TTC13: variants seen among roughly 807,000 people sequenced by gnomAD.
TTC13 encodes the protein tetratricopeptide repeat protein 13.
A neutral mutation model predicts 120.0 loss-of-function variants in TTC13; 62 were observed. The ratio of observed to expected loss-of-function variants is 0.52; its 90% CI spans 0.42 to 0.64. The LOEUF is 0.64. Among genes scored for constraint, TTC13 ranks in the 30% least tolerant of loss-of-function variants. The pLI is 0.00. For synonymous variants in TTC13, 384 were observed against 393.5 expected (o/e 0.98, Z 0.28); for missense variants, 824 against 1,050.2 (o/e 0.78, Z 2.98).
At chr1:230,938,181 C>G (rs183181883) in intron 8 of TTC13, among the ~76,000 whole-genome samples, 2 of 152,340 alleles carry the variant, frequency 1.3e-5, no homozygotes, top group East Asian at 3.9e-4. Flanking sequence ...CTTCAAAGTT[C>G]TTGTTAAGTA....
chr1:230,938,334 C>T (rs763672686), intron 8 of TTC13, among the ~76,000 whole-genome samples: 15 of 152,150 alleles, frequency 9.9e-5, no homozygotes, highest in African/African-American at 1.4e-4. Context: ...AGGCCTTGAG[C>T]GGCACTAAGG....
At chr1:230,908,121 A>T (rs1671117264) in intron 22 of TTC13, among the ~76,000 whole-genome samples, 1 of 152,184 alleles carries the variant, frequency 6.6e-6, no homozygotes, top group Non-Finnish European at 1.5e-5. Context: ...AGGCCAAGAG[A>T]AGTGAATACC....
At chr1:230,936,450 G>A in intron 8 of TTC13, 1 of 323,766 alleles carries the variant, frequency 3.1e-6, no homozygotes, top group Non-Finnish European at 6.1e-6. Flanking sequence ...CCCTAGGGCT[G>A]TTCCTTGTAA....
intron 1 of TTC13, among the ~76,000 whole-genome samples, chr1:230,963,007 T>C (rs1171236556): frequency 6.6e-6 from 1 of 152,170 alleles, no homozygotes; most frequent in African/African-American, 2.4e-5. Context: ...CTTGGGGTGG[T>C]TGCACATGGT....
rs745818501 is a variant in TTC13 at position 230,940,585 on chromosome 1, G to A, written c.673-29C>T. ...GAAATCCCAAACATGTAATCAGGAA[G>A]AATACCAATGACCAACCCTAAAATC... On this transcript the variant is annotated intron_variant, in intron 6 of 22. Transcript: ENST00000366661. This position sits in a 1 kb window ranked among gnomAD's most constrained non-coding sequence, Gnocchi z 4.1. 5.6e-6 allele frequency: 8 copies of A among 1,418,128 alleles called. No homozygotes were observed. The highest frequency in any genetic ancestry group is 8.0e-6 in the Non-Finnish European group (8 of 1,004,812). The allele number at this position is 1,418,128 out of a possible 1,614,324, so 87.8% of individuals were successfully genotyped here.
Position 230,977,082 on chromosome 1 carries a change from T to C in TTC13, c.271+1478A>G, listed in dbSNP as rs74143525. ...GAGCCCGACTTCATGGGTTCCTCCT[T>C]TGGCAGCTGTGGGATCTCAAGAAGA... On this transcript the variant is annotated intron_variant, in intron 1 of 22. Transcript: ENST00000366661. 9.7e-3 allele frequency among the ~76,000 whole-genome samples: 1,474 copies of C among 152,282 alleles called. 25 individuals carry two copies. Among genetic ancestry groups the C allele is most frequent in the African/African-American group, 0.033 (1,389 of 41,554 alleles).
In TTC13 at chr1:230,939,372, CACA is replaced by C; in HGVS notation, c.900+11_900+13del. ...AGAGTCATCATATGGTACACATATG[CACA>C]ACACTTTCACCTTCAGAAGTCCTCT... On this transcript the variant is annotated intron_variant, in intron 8 of 22. Coordinates refer to ENST00000366661, the MANE Select transcript of TTC13 (RefSeq NM_024525.5). 1 of 1,550,754 alleles carries C rather than the reference CACA, an allele frequency of 6.4e-7. No homozygotes were observed. Among genetic ancestry groups the C allele is most frequent in the East Asian group, 2.2e-5 (1 of 44,490 alleles).
At chr1:230,931,147 C>T (rs1334548101) in intron 11 of TTC13, 151 bp downstream of exon 11, 4 of 646,330 alleles carry the variant, frequency 6.2e-6, no homozygotes, top group South Asian at 2.2e-5. Flanking sequence ...CATCTAGTCT[C>T]GACACTAGCA....
chr1:230,976,273 G>A (rs1375919098), intron 1 of TTC13, among the ~76,000 whole-genome samples: 1 of 152,132 alleles, frequency 6.6e-6, no homozygotes, highest in Non-Finnish European at 1.5e-5. Flanking sequence ...GCTCAAATGG[G>A]TCTCCGGATA....
rs1405601639 is a variant in TTC13 at position 230,978,813 on chromosome 1, G to C, written c.18C>G (p.Cys6Trp). 1.3e-6 allele frequency: 2 copies of C among 1,487,712 alleles called. No individual in the cohort carries two copies. Among genetic ancestry groups the C allele is most frequent in the East Asian group, 2.7e-5 (1 of 36,962 alleles). 92.2% of individuals were successfully genotyped at this position (1,487,712 alleles called of 1,614,324 possible). The change falls in exon 1 of 23, where the codon TGC (cysteine) becomes TGG (tryptophan). Residue 6 changes from cysteine to tryptophan, a missense_variant. Transcript: ENST00000366661. This position sits in a 1 kb window ranked among gnomAD's most constrained non-coding sequence, Gnocchi z 5.6. ...CGCCCCAGAAGCAGCAGCAGCAGCAGCAGCCGGCAGGTGCCATCTTCCCTC... is the reference window on the plus strand; with the variant it reads ...CGCCCCAGAAGCAGCAGCAGCAGCACCAGCCGGCAGGTGCCATCTTCCCTC... MAPAGCCCCCCFWGGA... is the reference protein window; with the variant it reads MAPAGWCCCCCFWGGA...
At chr1:230,960,146 A>C (rs1206866577) in intron 2 of TTC13, among the ~76,000 whole-genome samples, 2 of 152,226 alleles carry the variant, frequency 1.3e-5, no homozygotes, top group Non-Finnish European at 2.9e-5. Flanking sequence ...AATAGGTGCC[A>C]AATAAATATC....
Position 230,940,377 on chromosome 1 carries a change from G to T in TTC13, c.789+63C>A. Reference sequence around the variant, plus strand: ...CAAATCTATCAAAGAGTCACTTTCTGAGGTCAAGGGAAAAATGAAATCTTC... The same window carrying T: ...CAAATCTATCAAAGAGTCACTTTCTTAGGTCAAGGGAAAAATGAAATCTTC... On this transcript the variant is annotated intron_variant, in intron 7 of 22. Transcript: ENST00000366661. The surrounding 1 kb of genome is among the most constrained non-coding windows in gnomAD (Gnocchi z 4.1). 1 of 1,068,040 alleles carries T rather than the reference G, an allele frequency of 9.4e-7. No individual in the cohort carries two copies. Among genetic ancestry groups the T allele is most frequent in the Non-Finnish European group, 1.4e-6 (1 of 698,698 alleles). The allele number at this position is 1,068,040 out of a possible 1,614,324, so 66.2% of individuals were successfully genotyped here. A position where few individuals can be genotyped will look rare whatever the true frequency, so the allele number is the denominator to read the frequency against.
rs1572233483 is a variant in TTC13 at position 230,940,250 on chromosome 1, A to G, written c.789+190T>C. On this transcript the variant is annotated intron_variant, in intron 7 of 22. Coordinates refer to ENST00000366661, the MANE Select transcript of TTC13 (RefSeq NM_024525.5). This position sits in a 1 kb window ranked among gnomAD's most constrained non-coding sequence, Gnocchi z 4.1. Reference sequence around the variant, plus strand: ...TTATTGCTGACAGCTCAAACAAGAAAATGTTTTTAGTACTTAATGTTCTCC... The same window carrying G: ...TTATTGCTGACAGCTCAAACAAGAAGATGTTTTTAGTACTTAATGTTCTCC... Among the ~76,000 whole-genome samples, 1 of 152,332 alleles carries G rather than the reference A, an allele frequency of 6.6e-6. No individual in the cohort carries two copies. Among genetic ancestry groups the G allele is most frequent in the East Asian group, 1.9e-4 (1 of 5,190 alleles).
chr1:230,912,635 T>A lies in TTC13; in HGVS notation c.2217A>T (p.Ser739=). ...AAGAGAAACCTACCCCAAATTCTGA[T>A]GAAAGAATCAATACTTTTCCTTTTG... ...LTAKGKVLIL[S]SEFGEADAVC... is the part of the protein sequence containing the mutation. The change falls in exon 19 of 23, where the codon TCA becomes TCT. Residue 739 remains serine, a synonymous_variant. Coordinates refer to ENST00000366661, the MANE Select transcript of TTC13 (RefSeq NM_024525.5). 1 of 1,610,800 alleles carries A rather than the reference T, an allele frequency of 6.2e-7. No individual in the cohort carries two copies. Among genetic ancestry groups the A allele is most frequent in the Non-Finnish European group, 8.5e-7 (1 of 1,179,376 alleles).
At chr1:230,914,689 G>A (rs151156093) in intron 18 of TTC13, among the ~76,000 whole-genome samples, 9,251 of 152,104 alleles carry the variant, frequency 0.061, 286 homozygotes, top group Middle Eastern at 0.11. Context: ...CACTGCGCCC[G>A]GCCGACTTTC....
At chr1:230,964,372 A>C (rs1676932887) in intron 1 of TTC13, among the ~76,000 whole-genome samples, 1 of 152,142 alleles carries the variant, frequency 6.6e-6, no homozygotes, top group Admixed American at 6.6e-5. Context: ...CTAGCATATA[A>C]TAACAATTTC....
rs1022462622 is a variant in TTC13, at chr1:230,909,601, C to T, written c.2310-581G>A. ...GAGCCGAGATCGCTCCACCGCACTC[C>T]AGCAATGCATGTATACAATAAAGTT... On this transcript the variant is annotated intron_variant, in intron 20 of 22. Transcript: ENST00000366661. Among the ~76,000 whole-genome samples the T allele has an allele frequency of 3.3e-5, 5 of 152,236 alleles. No individual in the cohort carries two copies. In the East Asian group the frequency reaches 9.6e-4, roughly 29 times the overall value.
chr1:230,930,685 C>T (rs1400910503), intron 11 of TTC13, among the ~76,000 whole-genome samples: 4 of 152,008 alleles, frequency 2.6e-5, no homozygotes, highest in African/African-American at 7.2e-5. Flanking sequence ...TTTGGGAGGC[C>T]GAGGCAGGTG....
intron 17 of TTC13, among the ~76,000 whole-genome samples, chr1:230,919,971 C>A (rs1372262512): frequency 6.6e-6 from 1 of 152,178 alleles, no homozygotes; most frequent in East Asian, 1.9e-4. Flanking sequence ...AACCCCTGAG[C>A]ACTCCCCAGC....
Sources: allele counts gnomAD v4.1 joint callset (sites outside exome capture counted in the v4.1 genomes callset), GRCh38; gene constraint gnomAD v4.1.1; non-coding constraint Gnocchi (gnomAD v3.1); transcripts MANE v1.5; gene names NCBI Gene and HGNC (gene_info 2026-07-23, HGNC 2026-07-21).